The following XRN2 variants were observed in gnomAD, a reference collection of about 807,000 sequenced individuals.
XRN2 encodes the protein 5'-3' exoribonuclease 2.
XRN2 carries 44 observed loss-of-function variants against 138.5 expected under a neutral mutation model. The ratio of observed to expected loss-of-function variants is 0.32; its 90% CI spans 0.25 to 0.41. The LOEUF (loss-of-function observed/expected upper bound fraction) is 0.41. XRN2 is among the 10% of genes least tolerant of loss of function. The pLI is 1.00. For missense variants in XRN2, 937 were observed against 1,169.3 expected, an observed-to-expected ratio of 0.80 and a Z score of 2.90; for synonymous variants, 354 against 369.4, an observed-to-expected ratio of 0.96 and a Z score of 0.48.
Position 21,356,158 on chromosome 20 carries a change from A to G in XRN2, c.2099A>G (p.Tyr700Cys). ...HPLHDFILEL[Y>C]QTGSTEPVEV... ...CTCCATGACTTCATTTTAGAGCTGTACCAGACAGGTTCCACAGAGGTATGT... is the reference window on the plus strand; with the variant it reads ...CTCCATGACTTCATTTTAGAGCTGTGCCAGACAGGTTCCACAGAGGTATGT... Residue 700 changes from tyrosine (Y) to cysteine (C), a missense_variant, in exon 22 of 30, where the codon TAC becomes TGC. Physicochemically the swap from Tyr to Cys is radical, Grantham distance 194. Transcript: ENST00000377191. The G allele has an allele frequency of 6.2e-7, 1 of 1,610,668 alleles. No individual in the cohort carries two copies. The highest frequency in any genetic ancestry group is 1.1e-5 in the South Asian group (1 of 90,360).
At chr20:21,308,924 G>A (rs973270634) in intron 1 of XRN2, among the ~76,000 whole-genome samples, 14 of 152,212 alleles carry the variant, frequency 9.2e-5, no homozygotes, top group Non-Finnish European at 1.8e-4. Flanking sequence ...AAGTTTTATA[G>A]TTTTACTTCA....
chr20:21,335,857 A>G (rs2038280846), intron 13 of XRN2, among the ~76,000 whole-genome samples: 1 of 152,174 alleles, frequency 6.6e-6, no homozygotes, highest in South Asian at 2.1e-4. Flanking sequence ...TTTTCAGCTG[A>G]CCTGGCAGGA....
intron 13 of XRN2, among the ~76,000 whole-genome samples, chr20:21,334,918 G>A (rs1040791616): frequency 6.6e-6 from 1 of 151,436 alleles, no homozygotes; most frequent in Non-Finnish European, 1.5e-5. Context: ...AAAGCTCAGG[G>A]CAGAAGTCTT....
At chr20:21,315,020 G>A (rs1199946584) in intron 1 of XRN2, among the ~76,000 whole-genome samples, 8 of 152,172 alleles carry the variant, frequency 5.3e-5, no homozygotes, top group Non-Finnish European at 1.5e-5. Context: ...AACCCTGAAA[G>A]GCAGCCCACT....
At chr20:21,346,134 T>G (rs902546994) in intron 16 of XRN2, among the ~76,000 whole-genome samples, 52 of 152,214 alleles carry the variant, frequency 3.4e-4, no homozygotes, top group African/African-American at 1.2e-3. Context: ...TGAGCAAATG[T>G]GTTCTGTATC....
intron 26 of XRN2, among the ~76,000 whole-genome samples, chr20:21,366,754 C>A (rs2038709486): frequency 6.6e-6 from 1 of 152,048 alleles, no homozygotes; most frequent in Non-Finnish European, 1.5e-5. Flanking sequence ...TATTGTACAC[C>A]ACAAATATCT....
At chr20:21,303,559 C>G in intron 1 of XRN2, 86 bp downstream of exon 1, 1 of 1,424,246 alleles carries the variant, frequency 7.0e-7, no homozygotes, top group Non-Finnish European at 9.1e-7. Context: ...CCGCCTGCCC[C>G]CGGGGAGCCT....
At chr20:21,383,177 G>C (rs1303789747) in intron 28 of XRN2, among the ~76,000 whole-genome samples, 1 of 152,120 alleles carries the variant, frequency 6.6e-6, no homozygotes, top group Non-Finnish European at 1.5e-5. Context: ...AATGCAATAC[G>C]ACTAGCAATG....
intron 6 of XRN2, 102 bp from the exon 7 acceptor site, chr20:21,331,459 C>T (rs891182901): frequency 3.6e-5 from 34 of 946,280 alleles, no homozygotes; most frequent in Non-Finnish European, 5.2e-5. Flanking sequence ...AAAATTTTCC[C>T]GTAACACTTA....
chr20:21,388,780 G>C (rs1362221862), intron 29 of XRN2, among the ~76,000 whole-genome samples: 1 of 152,166 alleles, frequency 6.6e-6, no homozygotes, highest in Non-Finnish European at 1.5e-5. Context: ...ACCTTAATAT[G>C]TCATTTAAAG....
Position 21,332,427 on chromosome 20 carries a change from A to T in XRN2, c.845A>T (p.Glu282Val), listed in dbSNP as rs779472708. The change falls in exon 9 of 30, where the codon GAA (glutamate) becomes GTA (valine). Residue 282 changes from glutamate to valine, a missense_variant. Glu to Val is a moderately radical substitution (Grantham distance 121). Coordinates refer to ENST00000377191, the MANE Select transcript of XRN2 (RefSeq NM_012255.5). The part of the protein sequence containing the change: ...EVKDCEGLPR[E>V]KKGKHDELAD... Reference sequence around the variant, plus strand: ...AAAGATTGTGAAGGTTTGCCAAGAGAAAAGAAGGGAAAGGTAAGAACTTTG... The same window carrying T: ...AAAGATTGTGAAGGTTTGCCAAGAGTAAAGAAGGGAAAGGTAAGAACTTTG... The T allele has an allele frequency of 2.5e-6, 4 of 1,608,600 alleles. No individual in the cohort carries two copies. In the Admixed American group the frequency reaches 6.8e-5, roughly 27 times the overall value.
chr20:21,389,711 G>T lies in XRN2; in HGVS notation c.*373G>T. ...GGTTTGAACTCGAGCTGGAACCTCA[G>T]CAAACTAGAGTATATATTGTTCAGT... On this transcript the variant is annotated 3_prime_UTR_variant, in exon 30 of 30. Coordinates refer to ENST00000377191, the MANE Select transcript of XRN2 (RefSeq NM_012255.5). 1 of 159,338 alleles carries T rather than the reference G, an allele frequency of 6.3e-6. No individual in the cohort carries two copies. 9.9% of individuals were successfully genotyped at this position (159,338 alleles called of 1,614,324 possible).
At chr20:21,321,103 C>T (rs1208644257) in intron 1 of XRN2, among the ~76,000 whole-genome samples, 3 of 152,252 alleles carry the variant, frequency 2.0e-5, no homozygotes, top group South Asian at 4.1e-4. Flanking sequence ...GCATCCTCAA[C>T]TTCCGGGGCT....
chr20:21,313,920 T>G (rs1014674925), intron 1 of XRN2, among the ~76,000 whole-genome samples: 1 of 152,234 alleles, frequency 6.6e-6, no homozygotes, highest in Non-Finnish European at 1.5e-5. Context: ...TTAAACAGCT[T>G]TGTTGAGATA....
chr20:21,365,762 A>G, intron 26 of XRN2, 58 bp downstream of exon 26: 1 of 1,486,770 alleles, frequency 6.7e-7, no homozygotes, highest in Non-Finnish European at 9.0e-7. Flanking sequence ...ATCCCATAAA[A>G]CAAGTCAGTA....
intron 1 of XRN2, among the ~76,000 whole-genome samples, chr20:21,311,443 A>G (rs759140619): frequency 6.6e-6 from 1 of 152,130 alleles, no homozygotes; most frequent in Admixed American, 6.5e-5. Flanking sequence ...TGATACTCCC[A>G]TTGTATATGG....
chr20:21,387,248 A>C (rs1461772494), intron 29 of XRN2, among the ~76,000 whole-genome samples: 1 of 152,200 alleles, frequency 6.6e-6, no homozygotes, highest in Non-Finnish European at 1.5e-5. Context: ...AAATCATAGC[A>C]GTCAGTGATA....
At chr20:21,370,589 A>G (rs1230797728) in intron 27 of XRN2, among the ~76,000 whole-genome samples, 3 of 152,224 alleles carry the variant, frequency 2.0e-5, no homozygotes, top group East Asian at 1.9e-4. Context: ...GCTACCTACA[A>G]TATAGCCAGG....
chr20:21,338,623 T>A (rs202843), intron 13 of XRN2, among the ~76,000 whole-genome samples: 141,643 of 152,258 alleles, frequency 0.93, 65,941 homozygotes, highest in Non-Finnish European at 0.95. Flanking sequence ...CTGATTTTTT[T>A]AAAAATGGAT....
Sources: allele counts gnomAD v4.1 joint callset (sites outside exome capture counted in the v4.1 genomes callset), GRCh38; gene constraint gnomAD v4.1.1; transcripts MANE v1.5; gene names NCBI Gene and HGNC (gene_info 2026-07-23, HGNC 2026-07-21).